The following MRE11 variants were observed in gnomAD, a reference collection of about 807,000 sequenced individuals.
MRE11 encodes double-strand break repair protein MRE11.
In MRE11, 62 loss-of-function variants were observed where a neutral mutation model predicts 91.7. The observed-to-expected ratio is 0.68, with a 90% CI of 0.55 to 0.84. The LOEUF is 0.84. MRE11 is among the 40% of genes least tolerant of loss of function. The pLI is 0.00. For synonymous variants in MRE11, 273 were observed against 271.4 expected, an observed-to-expected ratio of 1.01 and a Z score of -0.06; for missense variants, 796 against 852.9, an observed-to-expected ratio of 0.93 and a Z score of 0.83.
chr11:94,481,271 T>C (rs750383696), intron 4 of MRE11, among the ~76,000 whole-genome samples: 12 of 151,974 alleles, frequency 7.9e-5, no homozygotes, highest in Non-Finnish European at 1.6e-4. Flanking sequence ...ATCGCGCCAC[T>C]GCTCTCCAAC....
chr11:94,432,328 C>A (rs1945482610), intron 18 of MRE11, among the ~76,000 whole-genome samples: 1 of 152,192 alleles, frequency 6.6e-6, no homozygotes, highest in South Asian at 2.1e-4. Context: ...CTATACTCTC[C>A]CGGATTTTTC....
intron 7 of MRE11, among the ~76,000 whole-genome samples, chr11:94,473,735 TA>T (rs1946775177): frequency 6.6e-6 from 1 of 152,076 alleles, no homozygotes; most frequent in African/African-American, 2.4e-5. Flanking sequence ...AAGACTAAAA[TA>T]ACTTACACAA....
chr11:94,500,293 G>A, the MRE11 span, among the ~76,000 whole-genome samples: 8 of 152,296 alleles, frequency 5.3e-5, no homozygotes, highest in South Asian at 6.2e-4. Flanking sequence ...GACCTAAGAT[G>A]TGTCTATTCC....
At chr11:94,483,874 A>G (rs1947072369) in intron 4 of MRE11, 3 of 152,178 alleles carry the variant, frequency 2.0e-5, no homozygotes, top group Admixed American at 2.0e-4. Context: ...AAATAAATAA[A>G]TAAATAAACA....
At chr11:94,495,166 T>C (rs369143172), upstream of MRE11, among the ~76,000 whole-genome samples, 28 of 152,304 alleles carry the variant, frequency 1.8e-4, no homozygotes, top group East Asian at 4.6e-3. Context: ...TTGCCACTAG[T>C]AATAAAGTTT....
intron 6 of MRE11, among the ~76,000 whole-genome samples, chr11:94,476,773 T>C (rs564521046): frequency 1.3e-5 from 2 of 152,128 alleles, no homozygotes; most frequent in East Asian, 3.9e-4. Context: ...CAGGCTGGAG[T>C]GCAGTGGTGT....
At chr11:94,498,119 A>G (rs748391385), upstream of MRE11, 33 of 1,614,020 alleles carry the variant, frequency 2.0e-5, no homozygotes, top group African/African-American at 2.5e-4. Context: ...TCACGTGAAC[A>G]CTAGGGATGA....
chr11:94,415,871 C>G lies in MRE11; in HGVS notation c.*4254G>C, dbSNP rs11020774. 6.6e-6 allele frequency: 1 copy of G among 152,134 alleles called. No homozygotes were observed. The highest frequency in any genetic ancestry group is 1.5e-5 in the Non-Finnish European group (1 of 68,112). 9.4% of individuals were successfully genotyped at this position (152,134 alleles called of 1,614,324 possible). A position where few individuals can be genotyped will look rare whatever the true frequency, so the allele number is the denominator to read the frequency against. On this transcript the variant is annotated 3_prime_UTR_variant, in exon 20 of 20. Transcript: ENST00000323929. ...TGTTGCCCAGGCTGGAGTGCAATGG[C>G]GTGATATCAGCTCACCGTGACCTCC...
chr11:94,490,742 C>G, intron 3 of MRE11, 91 bp downstream of exon 3: 1 of 1,475,054 alleles, frequency 6.8e-7, no homozygotes, highest in Non-Finnish European at 9.5e-7. Flanking sequence ...AGCACCTGAG[C>G]TTATAAAACA....
At chr11:94,444,332 G>T (rs1945868479) in intron 16 of MRE11, among the ~76,000 whole-genome samples, 1 of 152,168 alleles carries the variant, frequency 6.6e-6, no homozygotes, top group Non-Finnish European at 1.5e-5. Flanking sequence ...TTAGTACACA[G>T]AGAGAACTTC....
intron 14 of MRE11, among the ~76,000 whole-genome samples, chr11:94,451,706 C>A (rs1406567351): frequency 1.3e-5 from 2 of 151,992 alleles, no homozygotes; most frequent in Non-Finnish European, 2.9e-5. Flanking sequence ...AGAAAAAACC[C>A]AAATGTATAT....
chr11:94,466,396 G>A (rs1946562852), intron 10 of MRE11: 3 of 471,218 alleles, frequency 6.4e-6, no homozygotes, highest in Admixed American at 4.1e-5. Flanking sequence ...ATTAATAAGG[G>A]CTTCACTATG....
chr11:94,500,095 G>T, the MRE11 span, among the ~76,000 whole-genome samples: 2 of 152,158 alleles, frequency 1.3e-5, no homozygotes, highest in Non-Finnish European at 2.9e-5. Context: ...CCAAATGACA[G>T]ATACAGCTGA....
chr11:94,494,257 G>A (rs13447580), upstream of MRE11: 2,242 of 152,410 alleles, frequency 0.015, 31 homozygotes, highest in Non-Finnish European at 0.024. Flanking sequence ...GCTGGTGGCA[G>A]AGTGCCGGAG....
chr11:94,462,687 C>T (rs535048880), intron 11 of MRE11, among the ~76,000 whole-genome samples: 151 of 152,274 alleles, frequency 9.9e-4, no homozygotes, highest in African/African-American at 3.4e-3. Context: ...GGAAAGGATT[C>T]CCTATTTAGT....
chr11:94,448,244 A>G (rs1265590496), intron 14 of MRE11, among the ~76,000 whole-genome samples: 1 of 152,056 alleles, frequency 6.6e-6, no homozygotes, highest in East Asian at 1.9e-4. Flanking sequence ...TTATAATCAG[A>G]AAAAAACATG....
rs1947130222 is a variant in MRE11, at chr11:94,485,948, T to C, written c.290A>G (p.Gln97Arg). The change falls in exon 4 of 20, where the codon CAG (glutamine) becomes CGG (arginine). Residue 97 changes from glutamine to arginine, a missense_variant. Coordinates refer to ENST00000323929, the MANE Select transcript of MRE11 (RefSeq NM_005591.4). ...CTTACTAAAACCAAAGTTGACTGACTGATCACTGAGAATTTCAAACTGGAC... is the reference window on the plus strand; with the variant it reads ...CTTACTAAAACCAAAGTTGACTGACCGATCACTGAGAATTTCAAACTGGAC... ...RPVQFEILSD[Q>R]SVNFGFSKFP... 1 of 1,613,182 alleles carries C rather than the reference T, an allele frequency of 6.2e-7. No homozygotes were observed. Among genetic ancestry groups the C allele is most frequent in the South Asian group, 1.1e-5 (1 of 91,052 alleles).
chr11:94,504,302 C>A, the MRE11 span, among the ~76,000 whole-genome samples: 4 of 151,964 alleles, frequency 2.6e-5, no homozygotes, highest in Non-Finnish European at 5.9e-5. Context: ...TAATTTTATT[C>A]TTTTATTATT....
Position 94,456,268 on chromosome 11 carries a change from A to C in MRE11, c.1563+8T>G, listed in dbSNP as rs1481640825. 1.9e-6 allele frequency: 3 copies of C among 1,612,814 alleles called. No individual in the cohort carries two copies. The highest frequency in any genetic ancestry group is 2.5e-6 in the Non-Finnish European group (3 of 1,179,226). Reference sequence around the variant, plus strand: ...TATAAACACAAGAATTTGCAGCAGAATAATTACCTCACGGACTTCATCATC... The same window carrying C: ...TATAAACACAAGAATTTGCAGCAGACTAATTACCTCACGGACTTCATCATC... On this transcript the variant is annotated splice_region_variant and intron_variant, in intron 14 of 19. Coordinates refer to ENST00000323929, the MANE Select transcript of MRE11 (RefSeq NM_005591.4).
Sources: allele counts gnomAD v4.1 joint callset (sites outside exome capture counted in the v4.1 genomes callset), GRCh38; gene constraint gnomAD v4.1.1; transcripts MANE v1.5; gene names NCBI Gene and HGNC (gene_info 2026-07-23, HGNC 2026-07-21).